Variants in TRHDE observed in about 807,000 individuals in gnomAD.
The protein encoded by TRHDE is thyrotropin-releasing hormone-degrading ectoenzyme.
Under a neutral mutation model 125.7 loss-of-function variants are expected in TRHDE, and 72 were observed. The ratio of observed to expected loss-of-function variants is 0.57; its 90% CI spans 0.47 to 0.70. TRHDE has a LOEUF of 0.70. TRHDE is among the 30% of genes least tolerant of loss of function. The pLI, the probability that TRHDE is intolerant of heterozygous loss-of-function variation, is 0.00. For synonymous variants in TRHDE, 509 were observed against 509.1 expected (o/e 1.00, Z 0.00); for missense variants, 1,110 against 1,327.1 (o/e 0.84, Z 2.54).
intron 2 of TRHDE, among the ~76,000 whole-genome samples, chr12:72,311,230 G>A (rs745588687): frequency 6.6e-5 from 10 of 151,002 alleles, no homozygotes; most frequent in Non-Finnish European, 3.0e-5. Flanking sequence ...CCACTGTTTT[G>A]TCTTTTCTAG....
chr12:72,641,220 A>G (rs1874046298), intron 15 of TRHDE, among the ~76,000 whole-genome samples: 1 of 152,190 alleles, frequency 6.6e-6, no homozygotes, highest in African/African-American at 2.4e-5. Flanking sequence ...GGCAAGTATA[A>G]TTTTCCTCTG....
At chr12:72,627,448 T>C (rs1164187221) in intron 15 of TRHDE, among the ~76,000 whole-genome samples, 2 of 151,898 alleles carry the variant, frequency 1.3e-5, no homozygotes, top group Admixed American at 6.6e-5. Context: ...AACTTAGAGA[T>C]TGGTCATAAG....
chr12:72,528,581 C>T (rs917297319), intron 6 of TRHDE, among the ~76,000 whole-genome samples: 32 of 152,130 alleles, frequency 2.1e-4, no homozygotes, highest in African/African-American at 5.5e-4. Flanking sequence ...CTCCACCTGC[C>T]GGGTTCAAGT....
chr12:72,368,353 CT>C lies in TRHDE; in HGVS notation c.1189-9635del, dbSNP rs916180854. ...TAATTCTGACAACTGAATGTGTCTTCTTTTTTTGCATTATATTGCAATTATA... is the reference window on the plus strand; with the variant it reads ...TAATTCTGACAACTGAATGTGTCTTCTTTTTTGCATTATATTGCAATTATA... On this transcript the variant is annotated intron_variant, in intron 2 of 18. Transcript: ENST00000261180. Among the ~76,000 whole-genome samples, 89 of 152,118 alleles carry C rather than the reference CT, an allele frequency of 5.9e-4. 1 individual carries two copies. Among genetic ancestry groups the C allele is most frequent in the African/African-American group, 2.0e-3 (84 of 41,500 alleles).
chr12:72,430,331 A>G (rs1332149448), intron 3 of TRHDE, among the ~76,000 whole-genome samples: 1 of 145,768 alleles, frequency 6.9e-6, no homozygotes, highest in African/African-American at 2.5e-5. Context: ...GTATACATAT[A>G]TACATGTATA....
At chr12:72,650,318 A>C (rs1211893302) in intron 15 of TRHDE, among the ~76,000 whole-genome samples, 2 of 152,158 alleles carry the variant, frequency 1.3e-5, no homozygotes, top group Non-Finnish European at 2.9e-5. Flanking sequence ...GATATTTTAA[A>C]AAGTGAAGCT....
At chr12:72,652,512 TG>T in intron 16 of TRHDE, 23 bp downstream of exon 16, 1 of 1,551,632 alleles carries the variant, frequency 6.4e-7, no homozygotes, top group Admixed American at 1.9e-5. Context: ...ATTTTCTAAA[TG>T]TGTTTCTCTA....
chr12:72,199,704 C>T (rs972053184), intron 2 of TRHDE, among the ~76,000 whole-genome samples: 2 of 152,160 alleles, frequency 1.3e-5, no homozygotes, highest in African/African-American at 4.8e-5. Flanking sequence ...ACTCCAGCAA[C>T]TGAGATAGGC....
intron 6 of TRHDE, among the ~76,000 whole-genome samples, chr12:72,518,870 G>C (rs947683490): frequency 6.6e-6 from 1 of 152,000 alleles, no homozygotes. Context: ...GCATTTGCTT[G>C]TCTGTAAAGT....
At chr12:72,658,272 G>A (rs1393701931) in intron 18 of TRHDE, among the ~76,000 whole-genome samples, 1 of 152,142 alleles carries the variant, frequency 6.6e-6, no homozygotes, top group Non-Finnish European at 1.5e-5. Flanking sequence ...GTAAATTAAT[G>A]ATTGCTTCCA....
chr12:72,456,608 G>T lies in TRHDE; in HGVS notation c.1316-13150G>T, dbSNP rs1875866831. ...GAACCCTCATGCTCTATTAACTGTG[G>T]TGGTAGGAAAATGGCTCCTGGCAAT... On this transcript the variant is annotated intron_variant, in intron 3 of 18. Coordinates refer to ENST00000261180, the MANE Select transcript of TRHDE (RefSeq NM_013381.3). 2.6e-5 allele frequency among the ~76,000 whole-genome samples: 4 copies of T among 152,042 alleles called. No individual in the cohort carries two copies. In the South Asian group the frequency reaches 8.3e-4, roughly 32 times the overall value.
At chr12:72,384,365 G>T (rs745967103) in intron 3 of TRHDE, among the ~76,000 whole-genome samples, 1 of 152,126 alleles carries the variant, frequency 6.6e-6, no homozygotes, top group East Asian at 1.9e-4. Flanking sequence ...CAAGGAGATT[G>T]TGGTTTTGTC....
intron 2 of TRHDE, among the ~76,000 whole-genome samples, chr12:72,366,812 T>C (rs1006412644): frequency 2.0e-5 from 3 of 151,880 alleles, no homozygotes; most frequent in African/African-American, 7.3e-5. Context: ...GACAGGCCAT[T>C]AGAGCAACTT....
At chr12:72,445,664 C>CA (rs1195492616) in intron 3 of TRHDE, among the ~76,000 whole-genome samples, 2 of 151,908 alleles carry the variant, frequency 1.3e-5, no homozygotes, top group South Asian at 2.1e-4. Context: ...GATTTATTTC[C>CA]AACTAACTCA....
chr12:72,419,115 G>A (rs907098081), intron 3 of TRHDE, among the ~76,000 whole-genome samples: 2 of 152,284 alleles, frequency 1.3e-5, no homozygotes, highest in Non-Finnish European at 2.9e-5. Flanking sequence ...GAGTTAATGA[G>A]GGTGGAGCTA....
At chr12:72,474,256 C>T (rs537544663) in intron 5 of TRHDE, among the ~76,000 whole-genome samples, 1 of 152,232 alleles carries the variant, frequency 6.6e-6, no homozygotes, top group Middle Eastern at 3.4e-3. Flanking sequence ...TACCTATCTT[C>T]TTTACTTATT....
In TRHDE at chr12:72,542,217, A is replaced by G. The variant is rs1016446355; in HGVS notation, c.1723-74A>G. On this transcript the variant is annotated intron_variant, in intron 6 of 18. Transcript: ENST00000261180. Reference sequence around the variant, plus strand: ...TAGAATAGCATGAATGAAGTAGACTAGATTTGAGTAAAACAACTTTACAAT... The same window carrying G: ...TAGAATAGCATGAATGAAGTAGACTGGATTTGAGTAAAACAACTTTACAAT... The G allele has an allele frequency of 5.4e-6, 6 of 1,107,914 alleles. No individual in the cohort carries two copies. In the Admixed American group the frequency reaches 1.1e-4, roughly 21 times the overall value. The allele number at this position is 1,107,914 out of a possible 1,614,324, so 68.6% of individuals were successfully genotyped here.
chr12:72,600,202 G>C (rs1340560118), intron 12 of TRHDE, among the ~76,000 whole-genome samples: 2 of 151,848 alleles, frequency 1.3e-5, no homozygotes, highest in Non-Finnish European at 2.9e-5. Flanking sequence ...CTCTGGTTTT[G>C]TTCTTTTTGC....
intron 2 of TRHDE, among the ~76,000 whole-genome samples, chr12:72,224,162 GTATGTATC>G (rs1351704635): frequency 4.8e-4 from 13 of 27,074 alleles, no homozygotes; most frequent in African/African-American, 1.5e-3. Flanking sequence ...ATGTATGTAT[GTATGTATC>G]TATCTATCTA....
Sources: allele counts gnomAD v4.1 joint callset (sites outside exome capture counted in the v4.1 genomes callset), GRCh38; gene constraint gnomAD v4.1.1; transcripts MANE v1.5; gene names NCBI Gene and HGNC (gene_info 2026-07-23, HGNC 2026-07-21).